Variants in GABBR2 observed in about 807,000 individuals in gnomAD.
The protein encoded by GABBR2 is G-protein coupled receptor 51.
GABBR2 carries 23 observed loss-of-function variants against 105.6 expected under a neutral mutation model. The observed-to-expected ratio is 0.22, with a 90% CI of 0.16 to 0.31. The LOEUF is 0.31. Ranked by LOEUF, GABBR2 falls within the 10% of genes least tolerant of loss-of-function variation. The pLI is 1.00. For synonymous variants in GABBR2, 478 were observed against 499.7 expected (o/e 0.96, Z 0.58); for missense variants, 734 against 1,245.5 (o/e 0.59, Z 6.18).
intron 13 of GABBR2, among the ~76,000 whole-genome samples, chr9:98,324,202 C>T (rs930883270): frequency 1.3e-5 from 2 of 152,178 alleles, no homozygotes; most frequent in Admixed American, 1.3e-4. Context: ...CCAGCTCACA[C>T]GGAGGAAGGC....
At chr9:98,642,070 G>A (rs538360810) in intron 1 of GABBR2, among the ~76,000 whole-genome samples, 5 of 152,302 alleles carry the variant, frequency 3.3e-5, no homozygotes, top group South Asian at 4.1e-4. Context: ...CTTCCAGGGC[G>A]CATTAAGTAC....
At chr9:98,615,778 T>C (rs542646081) in intron 1 of GABBR2, among the ~76,000 whole-genome samples, 3 of 152,274 alleles carry the variant, frequency 2.0e-5, no homozygotes, top group Non-Finnish European at 4.4e-5. Flanking sequence ...ACATATTTAA[T>C]TTCACCCTCT....
intron 2 of GABBR2, among the ~76,000 whole-genome samples, chr9:98,568,389 C>T (rs59809038): frequency 0.029 from 4,348 of 152,262 alleles, 224 homozygotes; most frequent in African/African-American, 0.1. Context: ...GCGTAACATG[C>T]CCAGAGGCTC....
At chr9:98,662,192 G>A (rs527832990) in intron 1 of GABBR2, among the ~76,000 whole-genome samples, 2 of 152,194 alleles carry the variant, frequency 1.3e-5, no homozygotes, top group Non-Finnish European at 2.9e-5. Flanking sequence ...ATGAGATTTT[G>A]GAGCTGGCAG....
At chr9:98,474,113 A>G (rs934902858) in intron 5 of GABBR2, among the ~76,000 whole-genome samples, 1 of 152,200 alleles carries the variant, frequency 6.6e-6, no homozygotes, top group Non-Finnish European at 1.5e-5. Context: ...ATTGTCACTC[A>G]CATTCACTCT....
chr9:98,491,816 C>T (rs1392518255), intron 4 of GABBR2, among the ~76,000 whole-genome samples: 1 of 152,156 alleles, frequency 6.6e-6, no homozygotes, highest in African/African-American at 2.4e-5. Context: ...TTTGCATCTG[C>T]ATACACTTTT....
chr9:98,658,662 G>A (rs1830215813), intron 1 of GABBR2, among the ~76,000 whole-genome samples: 1 of 152,198 alleles, frequency 6.6e-6, no homozygotes, highest in South Asian at 2.1e-4. Flanking sequence ...TCCTTCAGGA[G>A]TAGGCTTCCT....
At chr9:98,503,687 C>A (rs1827448790) in intron 3 of GABBR2, among the ~76,000 whole-genome samples, 1 of 152,186 alleles carries the variant, frequency 6.6e-6, no homozygotes, top group Non-Finnish European at 1.5e-5. Flanking sequence ...AACCAATACA[C>A]ATCCACTGTC....
chr9:98,602,688 T>C (rs1411227742), intron 1 of GABBR2, among the ~76,000 whole-genome samples: 3 of 152,098 alleles, frequency 2.0e-5, no homozygotes, highest in Non-Finnish European at 4.4e-5. Context: ...TAGGGAACAA[T>C]TTGAAATTGT....
chr9:98,444,326 A>G (rs1043114007), intron 7 of GABBR2, among the ~76,000 whole-genome samples: 1 of 152,114 alleles, frequency 6.6e-6, no homozygotes, highest in Non-Finnish European at 1.5e-5. Context: ...AGGGAGTTGC[A>G]ATTTAAAGTA....
At chr9:98,640,636 GGCTTTGGGTAAGCTGT>G (rs914544778) in intron 1 of GABBR2, among the ~76,000 whole-genome samples, 1 of 152,136 alleles carries the variant, frequency 6.6e-6, no homozygotes, top group African/African-American at 2.4e-5. Flanking sequence ...GATCATTCTA[GGCTTTGGGTAAGCTGT>G]GTTTTGCGGG....
intron 7 of GABBR2, among the ~76,000 whole-genome samples, chr9:98,438,664 A>G (rs1178248925): frequency 2.6e-5 from 4 of 152,146 alleles, no homozygotes; most frequent in Non-Finnish European, 5.9e-5. Flanking sequence ...CCATGTTTCT[A>G]AGAGTAGTTT....
chr9:98,422,691 A>G (rs1373379573), intron 7 of GABBR2, among the ~76,000 whole-genome samples: 2 of 151,916 alleles, frequency 1.3e-5, no homozygotes, highest in African/African-American at 4.8e-5. Flanking sequence ...TACATGTGCC[A>G]TGCTGGTGTG....
intron 1 of GABBR2, among the ~76,000 whole-genome samples, chr9:98,669,942 C>CGCAACCAGGAGAACGAAGCAA (rs1830386397): frequency 6.6e-6 from 1 of 150,738 alleles, no homozygotes; most frequent in Non-Finnish European, 1.5e-5. Flanking sequence ...ACCAAGAGAA[C>CGCAACCAGGAGAACGAAGCAA]GCAACCAGGA....
In GABBR2 at chr9:98,651,144, T is replaced by TTG. The variant is rs1360127506; in HGVS notation, c.321+57272_321+57273insCA. On this transcript the variant is annotated intron_variant, in intron 1 of 18. Coordinates refer to ENST00000259455, the MANE Select transcript of GABBR2 (RefSeq NM_005458.8). The stretch of plus-strand genomic sequence containing the variant: ...ACACACACATACACACACTGGTTTT[T>TTG]TTTTTTTTTTTTTTTTTTTGAGACA... Among the ~76,000 whole-genome samples the TTG allele has an allele frequency of 3.8e-4, 57 of 148,298 alleles. 1 individual carries two copies. Among genetic ancestry groups the TTG allele is most frequent in the African/African-American group, 1.0e-3 (42 of 40,026 alleles).
Position 98,311,203 on chromosome 9 carries a change from C to A in GABBR2, c.1896G>T (p.Pro632=), listed in dbSNP as rs373578537. The change falls in exon 14 of 19, where the codon CCG becomes CCT. Residue 632 remains proline, a splice_region_variant and synonymous_variant. Transcript: ENST00000259455. ...RRTVEKYSME[P]DPAGRDISIR... ...TGGAGATATCCCGTCCTGCTGGGTC[C>A]GGCTGTGCAAAGAGAAAACAGAGAC... The A allele has an allele frequency of 2.5e-6, 4 of 1,606,038 alleles. No individual in the cohort carries two copies. Among genetic ancestry groups the A allele is most frequent in the Non-Finnish European group, 3.4e-6 (4 of 1,172,800 alleles).
chr9:98,383,016 C>T (rs1285650367), intron 11 of GABBR2, among the ~76,000 whole-genome samples: 2 of 152,152 alleles, frequency 1.3e-5, no homozygotes, highest in African/African-American at 2.4e-5. Flanking sequence ...TCTCGGCTCA[C>T]TGTAACCCCT....
At chr9:98,405,202 T>TG (rs1455258233) in intron 8 of GABBR2, among the ~76,000 whole-genome samples, 1 of 152,146 alleles carries the variant, frequency 6.6e-6, no homozygotes, top group Non-Finnish European at 1.5e-5. Context: ...ATTGGGCACA[T>TG]GGGGGTTCAT....
At chr9:98,472,346 C>T (rs1025103947) in intron 6 of GABBR2, among the ~76,000 whole-genome samples, 4 of 152,150 alleles carry the variant, frequency 2.6e-5, no homozygotes, top group African/African-American at 4.8e-5. Context: ...ACTTGGTCCT[C>T]GCAATAGCCC....
Sources: gnomAD v4.1 joint callset for allele counts (sites outside exome capture counted in the v4.1 genomes callset) on GRCh38, gnomAD v4.1.1 for gene constraint, MANE v1.5 for transcripts, NCBI Gene and HGNC (gene_info 2026-07-23, HGNC 2026-07-21) for gene names.